Variants in HUWE1 observed in about 807,000 individuals in gnomAD.
HUWE1 encodes the protein E3 ubiquitin-protein ligase HUWE1.
A neutral mutation model predicts 299.4 loss-of-function variants in HUWE1; 18 were observed. The observed-to-expected ratio is 0.06, with a 90% CI of 0.04 to 0.09. The LOEUF is 0.09. Among genes scored for constraint, HUWE1 ranks in the 10% least tolerant of loss-of-function variants. The pLI, the probability that HUWE1 is intolerant of heterozygous loss-of-function variation, is 1.00. For synonymous variants in HUWE1, 1,317 were observed against 1,286.1 expected (o/e 1.02, Z -0.51); for missense variants, 1,832 against 3,462.3 (o/e 0.53, Z 11.82).
chrX:53,544,492 G>A (rs2061475050), intron 72 of HUWE1, 68 bp downstream of exon 72: 2 of 878,445 alleles, frequency 2.3e-6, no homozygotes, highest in Non-Finnish European at 3.3e-6. Context: ...GTTAAGTCCT[G>A]CACCTCCAAG....
chrX:53,597,320 C>A (rs2064542420), intron 29 of HUWE1, among the ~76,000 whole-genome samples: 1 of 106,119 alleles, frequency 9.4e-6, no homozygotes, highest in African/African-American at 3.5e-5. Context: ...GACAAAAGTG[C>A]CCTACTTTGA....
Position 53,544,549 on chromosome X carries a change from T to C in HUWE1, c.11251+11A>G. The C allele has an allele frequency of 8.4e-7, 1 of 1,196,282 alleles. No homozygotes were observed. The highest frequency in any genetic ancestry group is 1.1e-6 in the Non-Finnish European group (1 of 885,518). ...AACCCTTCCCCTCAACTGGACACTC[T>C]AGTTCCATACCTAGCCTGCCTGTCT... On this transcript the variant is annotated intron_variant, in intron 72 of 83. Transcript: ENST00000262854.
intron 22 of HUWE1, 125 bp from the exon 23 acceptor site, chrX:53,614,870 T>C (rs782778034): frequency 2.3e-4 from 115 of 499,485 alleles, no homozygotes; most frequent in Admixed American, 4.2e-4. Context: ...ATACATGTTA[T>C]ATACATAATT....
chrX:53,646,451 C>T lies in HUWE1; in HGVS notation c.351+917G>A, dbSNP rs191971974. 4.5e-5 allele frequency among the ~76,000 whole-genome samples: 5 copies of T among 111,935 alleles called. No homozygotes were observed. The Admixed American group carries it at 4.7e-4, about 11-fold the overall frequency. On this transcript the variant is annotated intron_variant, in intron 6 of 83. Coordinates refer to ENST00000262854, the MANE Select transcript of HUWE1 (RefSeq NM_031407.7). ...AGGATTACAGACATGAGCCACTGCA[C>T]CTGGCCTTACTTTGGCTTTTAAATA... is the stretch of plus-strand genomic sequence containing the variant.
chrX:53,565,066 C>G lies in HUWE1; in HGVS notation c.6880+1G>C. 8.3e-7 allele frequency: 1 copy of G among 1,210,551 alleles called. No homozygotes were observed. Among genetic ancestry groups the G allele is most frequent in the Non-Finnish European group, 1.1e-6 (1 of 894,298 alleles). Reference sequence around the variant, plus strand: ...CCAGTCCATTGGCTCTGATTCCCTACCTGGGTCCTGCTGGTTGCTACTGGA... The same window carrying G: ...CCAGTCCATTGGCTCTGATTCCCTAGCTGGGTCCTGCTGGTTGCTACTGGA... On this transcript the variant is annotated splice_donor_variant, in intron 50 of 83. Coordinates refer to ENST00000262854, the MANE Select transcript of HUWE1 (RefSeq NM_031407.7). LOFTEE classifies it high-confidence loss of function.
In HUWE1 at chrX:53,584,903, A is replaced by G. The variant is rs190307411; in HGVS notation, c.5001+109T>C. The G allele has an allele frequency of 2.3e-5, 19 of 839,525 alleles. No homozygotes were observed. The Admixed American group carries it at 2.9e-4, about 13-fold the overall frequency. 69.2% of individuals were successfully genotyped at this position (839,525 alleles called of 1,213,427 possible). A position where few individuals can be genotyped will look rare whatever the true frequency, so the allele number is the denominator to read the frequency against. Reference sequence around the variant, plus strand: ...CGATATTTGATAAGCTAAAAAGAACAACGACAAAAAAACCTCAATGTGTGG... The same window carrying G: ...CGATATTTGATAAGCTAAAAAGAACGACGACAAAAAAACCTCAATGTGTGG... On this transcript the variant is annotated intron_variant, in intron 40 of 83. Transcript: ENST00000262854.
rs1556910115 is a variant in HUWE1, at chrX:53,534,561, C to G, written c.12786G>C (p.Leu4262=). Residue 4262 remains leucine, a synonymous_variant, in exon 82 of 84, where the codon CTG becomes CTC. Transcript: ENST00000262854. Reference sequence around the variant, plus strand: ...ACTTGTGGTATTCAGTGTTGGATTTCAGATCATCGATGTCAATGGTGGGCA... The same window carrying G: ...ACTTGTGGTATTCAGTGTTGGATTTGAGATCATCGATGTCAATGGTGGGCA... The part of the protein sequence containing the change: ...SGLPTIDIDD[L]KSNTEYHKYQ... 1 of 1,210,667 alleles carries G rather than the reference C, an allele frequency of 8.3e-7. No individual in the cohort carries two copies. The highest frequency in any genetic ancestry group is 1.7e-5 in the African/African-American group (1 of 57,686).
chrX:53,539,882 C>G (rs2061263440), intron 74 of HUWE1, 70 bp from the exon 75 acceptor site: 2 of 1,007,081 alleles, frequency 2.0e-6, no homozygotes, highest in Admixed American at 5.3e-5. Context: ...TTCTAGACCA[C>G]ACGCACCAAC....
Position 53,565,230 on chromosome X carries a change from C to T in HUWE1, c.6717G>A (p.Met2239Ile). ...TCAGAGCAGCATTGACTGTGTTGGCCATGTTGGGACTGAGATAAGGGAAGA... is the reference window on the plus strand; with the variant it reads ...TCAGAGCAGCATTGACTGTGTTGGCTATGTTGGGACTGAGATAAGGGAAGA... ...PHSLDLSSPN[M>I]ANTVNAALKP... The change falls in exon 50 of 84, where the codon ATG becomes ATA. Residue 2239 changes from methionine to isoleucine, a missense_variant. Transcript: ENST00000262854. The T allele has an allele frequency of 1.7e-6, 2 of 1,207,235 alleles. No individual in the cohort carries two copies. The highest frequency in any genetic ancestry group is 2.2e-6 in the Non-Finnish European group (2 of 892,293).
chrX:53,538,266 A>G, intron 77 of HUWE1, 71 bp downstream of exon 77: 1 of 731,310 alleles, frequency 1.4e-6, no homozygotes, highest in East Asian at 3.2e-5. Flanking sequence ...CCTCAAGAGT[A>G]ACTTCAGAGG....
chrX:53,566,107 GTATGTA>G (rs2062525594), intron 49 of HUWE1, among the ~76,000 whole-genome samples: 1 of 46,581 alleles, frequency 2.1e-5, no homozygotes, highest in Non-Finnish European at 4.0e-5. Flanking sequence ...ATGTATGTAT[GTATGTA>G]TGTATGTGTG....
At chrX:53,578,389 C>T (rs1185256860) in intron 43 of HUWE1, among the ~76,000 whole-genome samples, 45 of 94,562 alleles carry the variant, frequency 4.8e-4, no homozygotes, top group Non-Finnish European at 4.1e-4. Context: ...CCAGCCGCCC[C>T]GTCCGGGAGG....
chrX:53,579,033 G>T (rs1341053238), intron 43 of HUWE1, among the ~76,000 whole-genome samples: 2 of 77,700 alleles, frequency 2.6e-5, no homozygotes, highest in Non-Finnish European at 2.5e-5. Context: ...GGGAGGCGGG[G>T]GGGGGGGTCG....
At position 53,534,605 on chromosome X, in the gene HUWE1, C is replaced by G; in HGVS notation, c.12742G>C (p.Glu4248Gln). 1 of 1,209,725 alleles carries G rather than the reference C, an allele frequency of 8.3e-7. No homozygotes were observed. The change falls in exon 82 of 84, where the codon GAG (glutamate) becomes CAG (glutamine). Residue 4248 changes from glutamate (E) to glutamine (Q), a missense_variant. Around this residue, in one of 15 missense-constraint regions of HUWE1, gnomAD observed 129 missense variants for 439.4 expected, o/e 0.29. Transcript: ENST00000262854. ...LISIFTEQEL[E>Q]LLISGLPTID... ...GTGGGCAGTCCTGATATAAGCAGCT[C>G]TAACTCCTGCTCAGTGAAGATGGAA...
chrX:53,549,986 AAGTGATCC>A (rs1423683835), intron 66 of HUWE1, among the ~76,000 whole-genome samples: 1 of 110,597 alleles, frequency 9.0e-6, no homozygotes, highest in Non-Finnish European at 1.9e-5. Flanking sequence ...TCCTGGACTC[AAGTGATCC>A]ACCTGCCTCA....
At chrX:53,618,949 A>G (rs1255925408) in intron 19 of HUWE1, among the ~76,000 whole-genome samples, 1 of 112,018 alleles carries the variant, frequency 8.9e-6, no homozygotes, top group Non-Finnish European at 1.9e-5. Flanking sequence ...TCTAGGAATA[A>G]TTAAGACAAA....
intron 35 of HUWE1, 88 bp from the exon 36 acceptor site, chrX:53,589,904 C>T: frequency 1.0e-6 from 1 of 961,356 alleles, no homozygotes; most frequent in South Asian, 2.1e-5. Flanking sequence ...TTTGCTCTAC[C>T]ATATGATTAC....
intron 3 of HUWE1, among the ~76,000 whole-genome samples, chrX:53,672,244 T>C (rs1439516211): frequency 1.7e-4 from 19 of 108,658 alleles, no homozygotes; most frequent in Non-Finnish European, 3.4e-4. Context: ...AATGGTATTG[T>C]GGTTTTGTAG....
intron 77 of HUWE1, among the ~76,000 whole-genome samples, 174 bp downstream of exon 77, chrX:53,538,163 G>C (rs2061151192): frequency 9.0e-6 from 1 of 111,199 alleles, no homozygotes; most frequent in Admixed American, 9.6e-5. Flanking sequence ...AGAAGCCCAG[G>C]AGTATTTAGG....
Sources: allele counts gnomAD v4.1 joint callset (sites outside exome capture counted in the v4.1 genomes callset), GRCh38; gene constraint gnomAD v4.1.1; regional missense constraint gnomAD v4.1.1; transcripts MANE v1.5; gene names NCBI Gene and HGNC (gene_info 2026-07-23, HGNC 2026-07-21).